The following KIAA1217 variants were observed in gnomAD, a reference collection of about 807,000 sequenced individuals.
KIAA1217 encodes sickle tail protein homolog.
Under a neutral mutation model 163.9 loss-of-function variants are expected in KIAA1217, and 88 were observed. That is an observed-to-expected ratio of 0.54 (90% confidence interval 0.45 to 0.64). The LOEUF is 0.64. Ranked by LOEUF, KIAA1217 falls within the 30% of genes least tolerant of loss-of-function variation. KIAA1217 has a pLI of 0.00. For missense variants in KIAA1217, 2,372 were observed against 2,475.0 expected, an observed-to-expected ratio of 0.96 and a Z score of 0.88; for synonymous variants, 903 against 923.1, an observed-to-expected ratio of 0.98 and a Z score of 0.39.
At chr10:24,277,803 T>G (rs1358324735) in intron 2 of KIAA1217, among the ~76,000 whole-genome samples, 1 of 152,190 alleles carries the variant, frequency 6.6e-6, no homozygotes, top group Non-Finnish European at 1.5e-5. Context: ...ATCTCAGGTT[T>G]GTCCTAATCG....
At chr10:24,169,112 G>T (rs1304129513) in intron 2 of KIAA1217, among the ~76,000 whole-genome samples, 3 of 152,242 alleles carry the variant, frequency 2.0e-5, no homozygotes, top group Non-Finnish European at 4.4e-5. Flanking sequence ...ATTTTCAAAA[G>T]TCTTCAACAT....
intron 20 of KIAA1217, chr10:24,545,382 G>GT: frequency 7.4e-7 from 1 of 1,346,116 alleles, no homozygotes; most frequent in African/African-American, 1.5e-5. Context: ...TTTGGTGAAT[G>GT]TAGTGTTTCA....
intron 2 of KIAA1217, among the ~76,000 whole-genome samples, chr10:24,290,694 C>A (rs2079006828): frequency 6.7e-6 from 1 of 149,608 alleles, no homozygotes. Context: ...ACCTCCACCC[C>A]CAGATTCAAG....
intron 1 of KIAA1217, among the ~76,000 whole-genome samples, chr10:23,781,602 G>GTTTGAT (rs1022624602): frequency 4.6e-5 from 7 of 152,128 alleles, no homozygotes; most frequent in African/African-American, 7.2e-5. Flanking sequence ...TAGTCAACTT[G>GTTTGAT]TTTGCTTTTG....
In KIAA1217 at chr10:24,524,353, G is replaced by A. The variant is rs2297329; in HGVS notation, c.2487G>A (p.Thr829=). Residue 829 remains threonine (T), a synonymous_variant, in exon 13 of 21, where the codon ACG becomes ACA. Transcript: ENST00000376454. ...TCACTGATGGGCTCCTGAAAGGCAC[G>A]GACGCAGCCCAAGCCGCACAGTACA... is the stretch of plus-strand genomic sequence containing the variant. ...RHVTDGLLKG[T]DAAQAAQYMA... is the part of the protein sequence containing the mutation. 1.2e-4 allele frequency: 190 copies of A among 1,612,062 alleles called. 1 individual carries two copies. In the Middle Eastern group the frequency reaches 2.8e-3, roughly 24 times the overall value.
intron 1 of KIAA1217, among the ~76,000 whole-genome samples, chr10:23,913,930 T>C (rs1842540287): frequency 6.6e-6 from 1 of 152,138 alleles, no homozygotes; most frequent in African/African-American, 2.4e-5. Context: ...CAGCTCTTCC[T>C]CTACGTAACC....
rs904509759 is a variant in KIAA1217, at chr10:24,358,379, T to C, written c.355-22490T>C. On this transcript the variant is annotated intron_variant, in intron 2 of 20. Transcript: ENST00000376454. ...CTGGGTCAACTCTTCCCAGGCACTT[T>C]GTAGAACACCGGGCAGGGATACTTC... Among the ~76,000 whole-genome samples the C allele has an allele frequency of 3.3e-5, 5 of 152,266 alleles. No homozygotes were observed. In the South Asian group the frequency reaches 8.3e-4, roughly 25 times the overall value.
At chr10:24,004,681 G>A (rs1846910089) in intron 1 of KIAA1217, among the ~76,000 whole-genome samples, 1 of 152,244 alleles carries the variant, frequency 6.6e-6, no homozygotes, top group African/African-American at 2.4e-5. Context: ...TGCCCACACT[G>A]TGCATGCACA....
At chr10:24,078,862 C>G (rs988947460) in intron 2 of KIAA1217, among the ~76,000 whole-genome samples, 2 of 152,220 alleles carry the variant, frequency 1.3e-5, no homozygotes, top group African/African-American at 4.8e-5. Context: ...GCAATGCCCC[C>G]ACATCCTTCA....
At chr10:24,110,130 T>A (rs1017306179) in intron 2 of KIAA1217, among the ~76,000 whole-genome samples, 32 of 152,222 alleles carry the variant, frequency 2.1e-4, no homozygotes, top group South Asian at 2.1e-4. Context: ...CTTAATTACT[T>A]GAGTTTGTAT....
At chr10:24,108,660 C>G (rs1325880720) in intron 2 of KIAA1217, among the ~76,000 whole-genome samples, 2 of 152,092 alleles carry the variant, frequency 1.3e-5, no homozygotes, top group African/African-American at 4.8e-5. Context: ...TCTGAACTTT[C>G]AAGAAGCAGC....
intron 9 of KIAA1217, among the ~76,000 whole-genome samples, chr10:24,512,783 G>T (rs879469865): frequency 1.3e-5 from 2 of 152,210 alleles, no homozygotes; most frequent in Non-Finnish European, 2.9e-5. Flanking sequence ...ACACCATGCG[G>T]TATTTCATGT....
chr10:24,139,758 T>C (rs1055758776), intron 2 of KIAA1217, among the ~76,000 whole-genome samples: 1 of 152,194 alleles, frequency 6.6e-6, no homozygotes, highest in African/African-American at 2.4e-5. Flanking sequence ...TCCCCACTTA[T>C]CCATGGGGAA....
In KIAA1217 at chr10:24,248,833, T is replaced by A. The variant is rs117451326; in HGVS notation, c.354+28924T>A. ...TTCCTAAATGAAAAAAGAAACTGTT[T>A]TAATGTACAGACTATTTAGATTTGA... On this transcript the variant is annotated intron_variant, in intron 2 of 20. Coordinates refer to ENST00000376454, the MANE Select transcript of KIAA1217 (RefSeq NM_019590.5). 1.7e-4 allele frequency among the ~76,000 whole-genome samples: 26 copies of A among 152,328 alleles called. 1 individual carries two copies. In the East Asian group the frequency reaches 5.0e-3, roughly 29 times the overall value.
At chr10:24,253,238 T>C (rs1331678364) in intron 2 of KIAA1217, among the ~76,000 whole-genome samples, 1 of 152,044 alleles carries the variant, frequency 6.6e-6, no homozygotes, top group Non-Finnish European at 1.5e-5. Context: ...AGCAGAAGAG[T>C]GATAGAAGAG....
intron 2 of KIAA1217, chr10:24,158,125 T>C (rs969261947): frequency 2.0e-5 from 15 of 754,046 alleles, no homozygotes; most frequent in East Asian, 7.4e-5. Flanking sequence ...ATGACATTTC[T>C]AGCCTGGGAT....
At position 24,546,744 on chromosome 10, in the gene KIAA1217, A is replaced by G. The variant is rs1400188559; in HGVS notation, c.*420A>G. 6.4e-6 allele frequency: 1 copy of G among 156,212 alleles called. No homozygotes were observed. Among genetic ancestry groups the G allele is most frequent in the East Asian group, 1.9e-4 (1 of 5,266 alleles). The allele number at this position is 156,212 out of a possible 1,614,324, so 9.7% of individuals were successfully genotyped here. A position where few individuals can be genotyped will look rare whatever the true frequency, so the allele number is the denominator to read the frequency against. ...CACAAGTGTGACTATACAAATTGTA[A>G]AACAGATACTATAATATTTCCTTTT... On this transcript the variant is annotated 3_prime_UTR_variant, in exon 21 of 21. Transcript: ENST00000376454.
intron 1 of KIAA1217, among the ~76,000 whole-genome samples, chr10:23,991,125 G>A (rs1846199873): frequency 6.6e-6 from 1 of 152,170 alleles, no homozygotes; most frequent in Non-Finnish European, 1.5e-5. Flanking sequence ...TGTTGATTGG[G>A]TCATCAAACT....
intron 3 of KIAA1217, among the ~76,000 whole-genome samples, chr10:24,411,298 A>T (rs1246560332): frequency 6.6e-6 from 1 of 152,182 alleles, no homozygotes; most frequent in Non-Finnish European, 1.5e-5. Context: ...AAGTCAGCCT[A>T]ACTCTCAAGT....
Sources: gnomAD v4.1 joint callset for allele counts (sites outside exome capture counted in the v4.1 genomes callset) on GRCh38, gnomAD v4.1.1 for gene constraint, MANE v1.5 for transcripts, NCBI Gene and HGNC (gene_info 2026-07-23, HGNC 2026-07-21) for gene names.